CDC37: variants seen among roughly 807,000 people sequenced by gnomAD.
The protein encoded by CDC37 is cell division cycle 37, HSP90 cochaperone, also known as hsp90 co-chaperone Cdc37.
CDC37 carries 9 observed loss-of-function variants against 46.9 expected under a neutral mutation model. That is an observed-to-expected ratio of 0.19 (90% CI 0.12 to 0.33). The LOEUF (loss-of-function observed/expected upper bound fraction) is 0.33. Ranked by LOEUF, CDC37 falls within the 10% of genes least tolerant of loss-of-function variation. The pLI is 1.00. For synonymous variants in CDC37, 193 were observed against 191.0 expected (o/e 1.01, Z -0.09); for missense variants, 388 against 514.6 (o/e 0.75, Z 2.38).
Position 10,396,818 on chromosome 19 carries a change from T to G in CDC37, c.103-615A>C, listed in dbSNP as rs950083014. Among the ~76,000 whole-genome samples, 1 of 152,100 alleles carries G rather than the reference T, an allele frequency of 6.6e-6. No homozygotes were observed. Among genetic ancestry groups the G allele is most frequent in the African/African-American group, 2.4e-5 (1 of 41,394 alleles). Reference sequence around the variant, plus strand: ...GTCCTGGGTTCAAGCGATCCTTCCCTCTCGGCCTCCCAAAGTGCTGGGACT... The same window carrying G: ...GTCCTGGGTTCAAGCGATCCTTCCCGCTCGGCCTCCCAAAGTGCTGGGACT... On this transcript the variant is annotated intron_variant, in intron 1 of 7. Coordinates refer to ENST00000222005, the MANE Select transcript of CDC37 (RefSeq NM_007065.4). The surrounding 1 kb of genome is among the most constrained non-coding windows in gnomAD (Gnocchi z 5.9).
rs1424035516 is a variant in CDC37, at chr19:10,398,973, CA to C, written c.103-2771del. Among the ~76,000 whole-genome samples, 1 of 152,146 alleles carries C rather than the reference CA, an allele frequency of 6.6e-6. No homozygotes were observed. Among genetic ancestry groups the C allele is most frequent in the Non-Finnish European group, 1.5e-5 (1 of 68,034 alleles). On this transcript the variant is annotated intron_variant, in intron 1 of 7. Transcript: ENST00000222005. This position sits in a 1 kb window ranked among gnomAD's most constrained non-coding sequence, Gnocchi z 4.2. ...TGGAAAATGCTTCCAAAACAGCCCT[CA>C]GTAGGTGTGTCCCACTGTTACCATC...
chr19:10,400,337 C>T (rs920574577), intron 1 of CDC37, among the ~76,000 whole-genome samples: 4 of 152,120 alleles, frequency 2.6e-5, no homozygotes, highest in Non-Finnish European at 4.4e-5. Context: ...GGAGAGCCGG[C>T]GAGCTGGGGC....
rs969051837 is a variant in CDC37, at chr19:10,398,049, C to CAAACCCTG, written c.103-1854_103-1847dup. ...GGCTGCTCTATCCAGAGCCACTAAT[C>CAAACCCTG]AAACCCTGAAACCCTGAAACGTGCC... On this transcript the variant is annotated intron_variant, in intron 1 of 7. Coordinates refer to ENST00000222005, the MANE Select transcript of CDC37 (RefSeq NM_007065.4). The surrounding 1 kb of genome is among the most constrained non-coding windows in gnomAD (Gnocchi z 4.2). Among the ~76,000 whole-genome samples the CAAACCCTG allele has an allele frequency of 6.6e-5, 10 of 152,188 alleles. No individual in the cohort carries two copies. Among genetic ancestry groups the CAAACCCTG allele is most frequent in the Non-Finnish European group, 1.5e-5 (1 of 68,038 alleles).
chr19:10,396,287 GC>G lies in CDC37; in HGVS notation c.103-85del. The G allele has an allele frequency of 6.8e-7, 1 of 1,472,450 alleles. No homozygotes were observed. Among genetic ancestry groups the G allele is most frequent in the Non-Finnish European group, 9.2e-7 (1 of 1,089,404 alleles). 91.2% of individuals were successfully genotyped at this position (1,472,450 alleles called of 1,614,324 possible). ...ATACCCAATCCCTGCACCGGAGATG[GC>G]CCCAGGAAAAAGTACGCGTCCACCT... On this transcript the variant is annotated intron_variant, in intron 1 of 7. Coordinates refer to ENST00000222005, the MANE Select transcript of CDC37 (RefSeq NM_007065.4). This position sits in a 1 kb window ranked among gnomAD's most constrained non-coding sequence, Gnocchi z 5.9.
Position 10,396,087 on chromosome 19 carries a change from C to T in CDC37, c.219G>A (p.Val73=). 1 of 1,614,062 alleles carries T rather than the reference C, an allele frequency of 6.2e-7. No individual in the cohort carries two copies. Among genetic ancestry groups the T allele is most frequent in the Non-Finnish European group, 8.5e-7 (1 of 1,179,972 alleles). The change falls in exon 2 of 8, where the codon GTG becomes GTA. Residue 73 remains valine (V), a synonymous_variant. Coordinates refer to ENST00000222005, the MANE Select transcript of CDC37 (RefSeq NM_007065.4). This position sits in a 1 kb window ranked among gnomAD's most constrained non-coding sequence, Gnocchi z 5.9. The stretch of plus-strand genomic sequence containing the variant: ...CCAGCTCTGCCTTGCCGCCCTCGGC[C>T]ACCTCCAGCTCCTTCAGTTTCCTCT... ...ECQRKLKELE[V]AEGGKAELER...
chr19:10,393,330 C>T lies in CDC37; in HGVS notation c.838G>A (p.Glu280Lys). The T allele has an allele frequency of 6.2e-7, 1 of 1,614,126 alleles. No homozygotes were observed. Among genetic ancestry groups the T allele is most frequent in the Non-Finnish European group, 8.5e-7 (1 of 1,179,990 alleles). The change falls in exon 6 of 8, where the codon GAG (glutamate) becomes AAG (lysine). Residue 280 changes from glutamate (E) to lysine (K), a missense_variant. Coordinates refer to ENST00000222005, the MANE Select transcript of CDC37 (RefSeq NM_007065.4). This position sits in a 1 kb window ranked among gnomAD's most constrained non-coding sequence, Gnocchi z 4.9. ...CCGAGCCGCTTCTTGCGCTCCTCCT[C>T]CTCGTACTCCTTCATGGCCTTCTCG... is the stretch of plus-strand genomic sequence containing the variant. The part of the protein sequence containing the change: ...RIEKAMKEYE[E>K]EERKKRLGPG...
Position 10,392,100 on chromosome 19 carries a change from C to A in CDC37, c.982-394G>T, listed in dbSNP as rs180799825. On this transcript the variant is annotated intron_variant, in intron 7 of 7. Transcript: ENST00000222005. ...TACAGGCGTGAGCCACCGTACCCAGCTGGAAATTTAAATTTTATTTAACTT... is the reference window on the plus strand; with the variant it reads ...TACAGGCGTGAGCCACCGTACCCAGATGGAAATTTAAATTTTATTTAACTT... Among the ~76,000 whole-genome samples, 15 of 152,306 alleles carry A rather than the reference C, an allele frequency of 9.8e-5. No homozygotes were observed. The East Asian group carries it at 2.7e-3, about 27-fold the overall frequency.
chr19:10,395,114 G>A lies in CDC37; in HGVS notation c.633C>T (p.His211=), dbSNP rs1338754081. 1 of 1,583,434 alleles carries A rather than the reference G, an allele frequency of 6.3e-7. No homozygotes were observed. Among genetic ancestry groups the A allele is most frequent in the East Asian group, 2.2e-5 (1 of 44,454 alleles). ...GGATAAATTGCATGACGATTGTCTG[G>A]TGGGCCACCTGCTCCATGAGTGCAC... ...EKCALMEQVA[H]QTIVMQFILE... is the part of the protein sequence containing the mutation. The change falls in exon 5 of 8, where the codon CAC becomes CAT. Residue 211 remains histidine, a synonymous_variant. Transcript: ENST00000222005.
chr19:10,403,349 G>C (rs1312669856), intron 1 of CDC37, 29 bp downstream of exon 1: 2 of 1,565,006 alleles, frequency 1.3e-6, no homozygotes, highest in Non-Finnish European at 1.8e-6. Context: ...GTCCGGGAGT[G>C]GGGAAAGGGA....
chr19:10,393,238 G>A lies in CDC37; in HGVS notation c.909+21C>T, dbSNP rs780706740. The stretch of plus-strand genomic sequence containing the variant: ...CCCGCTCAGGGTCTTCCTGCTGCCC[G>A]CCTGGGCCGGGGAGCCCCACCTCAG... On this transcript the variant is annotated intron_variant, in intron 6 of 7. Coordinates refer to ENST00000222005, the MANE Select transcript of CDC37 (RefSeq NM_007065.4). The surrounding 1 kb of genome is among the most constrained non-coding windows in gnomAD (Gnocchi z 4.9). 210 of 1,612,394 alleles carry A rather than the reference G, an allele frequency of 1.3e-4. No individual in the cohort carries two copies. Among genetic ancestry groups the A allele is most frequent in the Non-Finnish European group, 1.6e-4 (193 of 1,179,198 alleles).
At chr19:10,403,266 T>TGG in intron 1 of CDC37, 112 bp downstream of exon 1, 1 of 765,778 alleles carries the variant, frequency 1.3e-6, no homozygotes. Flanking sequence ...AAATCCAGAC[T>TGG]GGGGGGGTGA....
At position 10,391,706 on chromosome 19, in the gene CDC37, C is replaced by A. The variant is rs754320960; in HGVS notation, c.982G>T (p.Asp328Tyr). The A allele has an allele frequency of 6.2e-7, 1 of 1,611,670 alleles. No individual in the cohort carries two copies. The highest frequency in any genetic ancestry group is 8.5e-7 in the Non-Finnish European group (1 of 1,178,758). The change falls in exon 8 of 8, where the codon GAC becomes TAC. Residue 328 changes from aspartate to tyrosine, a missense_variant and splice_region_variant. By Grantham distance (160) the Asp-to-Tyr change is radical. This residue lies in a region of CDC37 where 374 missense variants were observed against 467.4 expected (regional missense o/e 0.80). Transcript: ENST00000222005. ...QDAISKMDPT[D>Y]AKYHMQRCID... ...CAGCGCTGCATGTGGTACTTTGCGT[C>A]CTGTGAGGAGAAGGCAGGCAGATGA...
Position 10,393,547 on chromosome 19 carries a change from C to A in CDC37, c.727-106G>T. The stretch of plus-strand genomic sequence containing the variant: ...CTCCTCAGAGGCGCCCCACGGTTCC[C>A]CAAGTCTATTCCTGACCTACATGAA... On this transcript the variant is annotated intron_variant, in intron 5 of 7. Coordinates refer to ENST00000222005, the MANE Select transcript of CDC37 (RefSeq NM_007065.4). This position sits in a 1 kb window ranked among gnomAD's most constrained non-coding sequence, Gnocchi z 4.9. The A allele has an allele frequency of 1.7e-6, 2 of 1,208,794 alleles. No homozygotes were observed. The highest frequency in any genetic ancestry group is 2.4e-5 in the East Asian group (1 of 41,192). The allele number at this position is 1,208,794 out of a possible 1,614,324, so 74.9% of individuals were successfully genotyped here.
At position 10,396,701 on chromosome 19, in the gene CDC37, G is replaced by A. The variant is rs951629615; in HGVS notation, c.103-498C>T. 2.0e-5 allele frequency among the ~76,000 whole-genome samples: 3 copies of A among 152,156 alleles called. No homozygotes were observed. The highest frequency in any genetic ancestry group is 7.2e-5 in the African/African-American group (3 of 41,448). On this transcript the variant is annotated intron_variant, in intron 1 of 7. Transcript: ENST00000222005. This position sits in a 1 kb window ranked among gnomAD's most constrained non-coding sequence, Gnocchi z 5.9. ...TCCTCCCACCTCAGTCTCCCAAGTA[G>A]CTGGGACTACAGGTGTGCACCAGCA... is the stretch of plus-strand genomic sequence containing the variant.
At chr19:10,392,248 G>A (rs747251858) in intron 7 of CDC37, among the ~76,000 whole-genome samples, 14 of 152,174 alleles carry the variant, frequency 9.2e-5, no homozygotes, top group Non-Finnish European at 1.6e-4. Context: ...CAACTCTGCT[G>A]TGGTAGAGCA....
intron 1 of CDC37, chr19:10,400,678 C>G (rs2042514092): frequency 6.6e-6 from 1 of 151,146 alleles, no homozygotes. Context: ...CTCAGGGTGA[C>G]AAAGCAAGGC....
In CDC37 at chr19:10,393,384, G is replaced by C. The variant is rs769835901; in HGVS notation, c.784C>G (p.Arg262Gly). 10 of 1,613,858 alleles carry C rather than the reference G, an allele frequency of 6.2e-6. No homozygotes were observed. The highest frequency in any genetic ancestry group is 7.6e-6 in the Non-Finnish European group (9 of 1,180,000). Residue 262 changes from arginine to glycine, a missense_variant, in exon 6 of 8, where the codon CGT (arginine) becomes GGT (glycine). Arg to Gly is a moderately radical substitution (Grantham distance 125, BLOSUM62 -2). Around this residue, in one of 2 missense-constraint regions of CDC37, gnomAD observed 374 missense variants for 467.4 expected, o/e 0.80. Transcript: ENST00000222005. This position sits in a 1 kb window ranked among gnomAD's most constrained non-coding sequence, Gnocchi z 4.9. The part of the protein sequence containing the change: ...FNDELEAFKE[R>G]VRGRAKLRIE... ...CGCAGCTTGGCACGGCCCCGCACAC[G>C]CTCCTTGAAGGCTTCCAGCTCGTCG...
In CDC37 at chr19:10,393,542, G is replaced by T. The variant is rs1045596195; in HGVS notation, c.727-101C>A. 1.2e-5 allele frequency: 15 copies of T among 1,245,596 alleles called. No homozygotes were observed. In the African/African-American group the frequency reaches 2.1e-4, roughly 18 times the overall value. 77.2% of individuals were successfully genotyped at this position (1,245,596 alleles called of 1,614,324 possible). On this transcript the variant is annotated intron_variant, in intron 5 of 7. Coordinates refer to ENST00000222005, the MANE Select transcript of CDC37 (RefSeq NM_007065.4). The surrounding 1 kb of genome is among the most constrained non-coding windows in gnomAD (Gnocchi z 4.9). ...CACAGCTCCTCAGAGGCGCCCCACG[G>T]TTCCCCAAGTCTATTCCTGACCTAC...
At chr19:10,392,276 T>C (rs771215414) in intron 7 of CDC37, among the ~76,000 whole-genome samples, 2 of 152,156 alleles carry the variant, frequency 1.3e-5, no homozygotes, top group Non-Finnish European at 1.5e-5. Context: ...TTGTAGATGA[T>C]AGGGAAACAA....
Sources: gnomAD v4.1 joint callset for allele counts (sites outside exome capture counted in the v4.1 genomes callset) on GRCh38, gnomAD v4.1.1 for gene constraint, gnomAD v4.1.1 regional missense constraint, Gnocchi (gnomAD v3.1) non-coding constraint, MANE v1.5 for transcripts, NCBI Gene and HGNC (gene_info 2026-07-23, HGNC 2026-07-21) for gene names.